Variants in CCSER1 observed in about 807,000 individuals in gnomAD.
The protein encoded by CCSER1 is coiled-coil serine rich protein 1, also known as serine-rich coiled-coil domain-containing protein 1.
CCSER1 carries 41 observed loss-of-function variants against 82.0 expected under a neutral mutation model. The observed-to-expected ratio is 0.50, with a 90% CI of 0.39 to 0.65. The LOEUF (loss-of-function observed/expected upper bound fraction) is 0.65, where lower values mean the gene tolerates loss of function less well. CCSER1 is among the 30% of genes least tolerant of loss of function. The pLI is 0.00. For missense variants in CCSER1, 1,119 were observed against 1,064.2 expected (o/e 1.05, Z -0.72); for synonymous variants, 414 against 383.9 (o/e 1.08, Z -0.92).
At chr4:91,547,597 C>G (rs1761954681) in intron 10 of CCSER1, among the ~76,000 whole-genome samples, 1 of 152,122 alleles carries the variant, frequency 6.6e-6, no homozygotes, top group Non-Finnish European at 1.5e-5. Context: ...TTACAGACAA[C>G]ATGTAGTTGG....
chr4:91,412,389 T>C (rs560168641), intron 10 of CCSER1, among the ~76,000 whole-genome samples: 1 of 152,030 alleles, frequency 6.6e-6, no homozygotes, highest in African/African-American at 2.4e-5. Context: ...CCAATACTGC[T>C]TGTCCAGAGA....
intron 10 of CCSER1, among the ~76,000 whole-genome samples, chr4:91,458,222 T>C (rs1438431638): frequency 6.6e-6 from 1 of 152,146 alleles, no homozygotes; most frequent in African/African-American, 2.4e-5. Context: ...TATGGATGTC[T>C]AATTTTACCA....
chr4:91,463,145 C>CATT (rs1756614258), intron 10 of CCSER1, among the ~76,000 whole-genome samples: 1 of 152,152 alleles, frequency 6.6e-6, no homozygotes, highest in African/African-American at 2.4e-5. Flanking sequence ...GGCCAAGTAA[C>CATT]CCTCTGAGAC....
At chr4:90,220,388 A>T (rs1204479889) in intron 1 of CCSER1, among the ~76,000 whole-genome samples, 3 of 151,548 alleles carry the variant, frequency 2.0e-5, no homozygotes, top group Non-Finnish European at 1.5e-5. Flanking sequence ...TTATTCTTCT[A>T]TGATTTTTTT....
chr4:90,987,225 TTG>T (rs918406877), intron 9 of CCSER1, among the ~76,000 whole-genome samples: 1 of 151,212 alleles, frequency 6.6e-6, no homozygotes, highest in African/African-American at 2.4e-5. Context: ...AATTTGTGGT[TTG>T]TGTTTCATTT....
intron 1 of CCSER1, among the ~76,000 whole-genome samples, chr4:90,131,987 G>A (rs1722901805): frequency 6.6e-6 from 1 of 152,122 alleles, no homozygotes; most frequent in Non-Finnish European, 1.5e-5. Context: ...ATGTTTTGGT[G>A]ACAGTAAAGA....
chr4:91,597,738 C>G (rs2110359486), intron 10 of CCSER1, among the ~76,000 whole-genome samples: 1 of 152,044 alleles, frequency 6.6e-6, no homozygotes. Flanking sequence ...TATCCTCTTT[C>G]TTTGTAGCAA....
intron 7 of CCSER1, among the ~76,000 whole-genome samples, chr4:90,753,916 G>A (rs1313808811): frequency 4.6e-5 from 7 of 152,082 alleles, no homozygotes; most frequent in Non-Finnish European, 1.0e-4. Flanking sequence ...CATCAGGATA[G>A]TCATACTAAT....
intron 3 of CCSER1, among the ~76,000 whole-genome samples, chr4:90,394,454 T>C (rs1204196672): frequency 6.6e-6 from 1 of 152,216 alleles, no homozygotes; most frequent in Non-Finnish European, 1.5e-5. Context: ...AAATGTCTCC[T>C]TTTGAAGAGA....
At chr4:91,464,904 T>C (rs1756775207) in intron 10 of CCSER1, among the ~76,000 whole-genome samples, 2 of 152,162 alleles carry the variant, frequency 1.3e-5, no homozygotes, top group Admixed American at 1.3e-4. Flanking sequence ...ACAACAGTAA[T>C]GGGAGACTTT....
At chr4:91,232,848 G>A (rs1374178653) in intron 10 of CCSER1, among the ~76,000 whole-genome samples, 1 of 151,648 alleles carries the variant, frequency 6.6e-6, no homozygotes, top group Non-Finnish European at 1.5e-5. Flanking sequence ...AGAAAATTGA[G>A]GTAAAACTCT....
chr4:90,308,235 C>T lies in CCSER1; in HGVS notation c.-41-9C>T, dbSNP rs1181130728. 4.1e-6 allele frequency: 6 copies of T among 1,455,322 alleles called. No individual in the cohort carries two copies. The South Asian group carries it at 6.1e-5, about 15-fold the overall frequency. The allele number at this position is 1,455,322 out of a possible 1,614,324, so 90.2% of individuals were successfully genotyped here. ...ATTGACTTGTTGTTTTTGTTTTAAC[C>T]TTTCTCAGGCTGCAAAGTTGGCTTT... On this transcript the variant is annotated splice_polypyrimidine_tract_variant and intron_variant, in intron 1 of 10. Transcript: ENST00000509176.
At chr4:90,799,903 C>A (rs1199171880) in intron 7 of CCSER1, among the ~76,000 whole-genome samples, 1 of 152,192 alleles carries the variant, frequency 6.6e-6, no homozygotes, top group African/African-American at 2.4e-5. Flanking sequence ...ATGGTGAGAG[C>A]AGACTGCCCC....
At position 91,157,914 on chromosome 4, in the gene CCSER1, C is replaced by G. The variant is rs545660907; in HGVS notation, c.2217+71920C>G. 2.0e-5 allele frequency among the ~76,000 whole-genome samples: 3 copies of G among 152,076 alleles called. No homozygotes were observed. In the South Asian group the frequency reaches 6.2e-4, roughly 32 times the overall value. On this transcript the variant is annotated intron_variant, in intron 10 of 10. Transcript: ENST00000509176. ...TCCTAAAGTTGTTAAATCATTTCTT[C>G]AGGCAATAAGAGGGTCTTATTCTTC...
At chr4:91,230,637 A>AC (rs1738552700) in intron 10 of CCSER1, among the ~76,000 whole-genome samples, 1 of 151,936 alleles carries the variant, frequency 6.6e-6, no homozygotes. Context: ...AGGAAAAAAA[A>AC]CACACAAAAC....
intron 10 of CCSER1, among the ~76,000 whole-genome samples, chr4:91,471,839 G>A (rs1757289953): frequency 1.3e-5 from 2 of 151,434 alleles, no homozygotes; most frequent in South Asian, 2.1e-4. Context: ...GCATAGTGGC[G>A]GGCGCCTGTA....
chr4:90,535,629 T>C (rs1280297830), intron 5 of CCSER1, among the ~76,000 whole-genome samples: 3 of 152,206 alleles, frequency 2.0e-5, no homozygotes. Context: ...ATAGCTAGAA[T>C]GTAAGCACTA....
chr4:90,264,205 G>A (rs1724842882), intron 1 of CCSER1, among the ~76,000 whole-genome samples: 1 of 152,118 alleles, frequency 6.6e-6, no homozygotes, highest in African/African-American at 2.4e-5. Context: ...ATTAACTGGT[G>A]TTACAGTCCC....
At chr4:90,239,158 A>T (rs932793075) in intron 1 of CCSER1, among the ~76,000 whole-genome samples, 1 of 152,138 alleles carries the variant, frequency 6.6e-6, no homozygotes, top group African/African-American at 2.4e-5. Flanking sequence ...AGAAAGTTTT[A>T]GTCAATAACA....
Sources: gnomAD v4.1 joint callset for allele counts (sites outside exome capture counted in the v4.1 genomes callset) on GRCh38, gnomAD v4.1.1 for gene constraint, MANE v1.5 for transcripts, NCBI Gene and HGNC (gene_info 2026-07-23, HGNC 2026-07-21) for gene names.